Variants in PLOD2 observed in about 807,000 individuals in gnomAD.
PLOD2 encodes the protein lysine hydroxylase 2.
A neutral mutation model predicts 101.0 loss-of-function variants in PLOD2; 65 were observed. The ratio of observed to expected loss-of-function variants is 0.64; its 90% CI spans 0.53 to 0.79. The LOEUF is 0.79. Among genes scored for constraint, PLOD2 ranks in the 30% least tolerant of loss-of-function variants. The pLI is 0.00. For missense variants in PLOD2, 909 were observed against 914.6 expected (o/e 0.99, Z 0.08); for synonymous variants, 314 against 302.9 (o/e 1.04, Z -0.38).
At chr3:146,140,161 G>C (rs1375444494) in intron 1 of PLOD2, among the ~76,000 whole-genome samples, 1 of 151,772 alleles carries the variant, frequency 6.6e-6, no homozygotes, top group Non-Finnish European at 1.5e-5. Flanking sequence ...GGTTATGTCT[G>C]AAAGAGTCAA....
chr3:146,076,531 T>C, intron 15 of PLOD2: 1 of 29,336 alleles, frequency 3.4e-5, no homozygotes, highest in Non-Finnish European at 6.9e-5. Context: ...CAAACTGCTT[T>C]CCAAATTCAT....
At chr3:146,106,471 C>T (rs922221039) in intron 5 of PLOD2, 61 bp downstream of exon 5, 10 of 820,340 alleles carry the variant, frequency 1.2e-5, no homozygotes, top group Non-Finnish European at 2.2e-5. Flanking sequence ...TCCACATTAA[C>T]ACAATATAAC....
rs1936789876 is a variant in PLOD2 at position 146,086,803 on chromosome 3, C to T, written c.1111G>A (p.Ala371Thr). 1 of 1,484,570 alleles carries T rather than the reference C, an allele frequency of 6.7e-7. No individual in the cohort carries two copies. 92.0% of individuals were successfully genotyped at this position (1,484,570 alleles called of 1,614,324 possible). A position where few individuals can be genotyped will look rare whatever the true frequency, so the allele number is the denominator to read the frequency against. The change falls in exon 10 of 20, where the codon GCC becomes ACC. Residue 371 changes from alanine (A) to threonine (T), a missense_variant. Transcript: ENST00000282903. ...AAAACATACATTCCCATGTTTCTGG[C>T]TTCCGCTTGACTTAGATTTTCTTCT... is the stretch of plus-strand genomic sequence containing the variant. ...GPEENLSQAEARNMGMDFCRQ... is the reference protein window; with the variant it reads ...GPEENLSQAETRNMGMDFCRQ...
intron 7 of PLOD2, among the ~76,000 whole-genome samples, chr3:146,094,389 T>C (rs1390398880): frequency 9.0e-5 from 12 of 133,398 alleles, no homozygotes. Context: ...GCTCTTCCCC[T>C]GTTTATCTTT....
At chr3:146,157,046 C>T (rs748971460) in intron 1 of PLOD2, among the ~76,000 whole-genome samples, 2 of 152,164 alleles carry the variant, frequency 1.3e-5, no homozygotes, top group Non-Finnish European at 2.9e-5. Context: ...AGAAACAAGG[C>T]AGCAGATATT....
chr3:146,110,236 A>C (rs758217474), intron 4 of PLOD2, 49 bp downstream of exon 4: 4 of 1,525,144 alleles, frequency 2.6e-6, no homozygotes, highest in Non-Finnish European at 3.6e-6. Flanking sequence ...TGGTTGTTTC[A>C]TTAGTCTTTA....
chr3:146,124,302 T>A (rs2030407420), intron 1 of PLOD2, 73 bp from the exon 2 acceptor site: 1 of 813,408 alleles, frequency 1.2e-6, no homozygotes, highest in Non-Finnish European at 2.2e-6. Context: ...CTCACTACAG[T>A]AATTGAGACC....
intron 1 of PLOD2, among the ~76,000 whole-genome samples, chr3:146,158,236 T>G (rs1185757796): frequency 6.6e-6 from 1 of 152,136 alleles, no homozygotes; most frequent in African/African-American, 2.4e-5. Context: ...TTAAGAAGGT[T>G]CTGCCTCTGA....
At chr3:146,134,304 G>A (rs1639644108) in intron 1 of PLOD2, among the ~76,000 whole-genome samples, 1 of 152,120 alleles carries the variant, frequency 6.6e-6, no homozygotes, top group Non-Finnish European at 1.5e-5. Context: ...TTAAAACAAA[G>A]AGTATAGGAC....
intron 1 of PLOD2, among the ~76,000 whole-genome samples, chr3:146,129,562 A>G (rs1245341905): frequency 6.6e-6 from 1 of 152,122 alleles, no homozygotes; most frequent in African/African-American, 2.4e-5. Flanking sequence ...CAGTATTTCC[A>G]TGAGAGTAAA....
rs533008108 is a variant in PLOD2, at chr3:146,097,953, C to T, written c.777+4802G>A. ...CATCCTCACCAAACTAACACAGAAA[C>T]GGGAAACAAACACTGCATGTTCTCA... is the stretch of plus-strand genomic sequence containing the variant. On this transcript the variant is annotated intron_variant, in intron 7 of 19. Transcript: ENST00000282903. Among the ~76,000 whole-genome samples, 26 of 152,030 alleles carry T rather than the reference C, an allele frequency of 1.7e-4. No homozygotes were observed. The South Asian group carries it at 4.6e-3, about 27-fold the overall frequency.
chr3:146,072,888 G>A (rs1936202474), intron 16 of PLOD2, among the ~76,000 whole-genome samples: 1 of 151,442 alleles, frequency 6.6e-6, no homozygotes, highest in Non-Finnish European at 1.5e-5. Flanking sequence ...ATTAACAATA[G>A]TTTTGAACAC....
At chr3:146,098,158 T>C (rs1482335657) in intron 7 of PLOD2, among the ~76,000 whole-genome samples, 2 of 152,152 alleles carry the variant, frequency 1.3e-5, no homozygotes, top group Non-Finnish European at 2.9e-5. Context: ...CCACAGCACA[T>C]GCATACCTAT....
chr3:146,137,901 A>T (rs2031326918), intron 1 of PLOD2, among the ~76,000 whole-genome samples: 1 of 152,158 alleles, frequency 6.6e-6, no homozygotes, highest in Admixed American at 6.5e-5. Context: ...GGCAACGATA[A>T]ATCACAGGAG....
chr3:146,105,663 G>GT (rs1937524376), intron 5 of PLOD2, among the ~76,000 whole-genome samples: 1 of 152,124 alleles, frequency 6.6e-6, no homozygotes, highest in Non-Finnish European at 1.5e-5. Flanking sequence ...AACACATAAA[G>GT]TCTATGTTAT....
rs1295941820 is a variant in PLOD2 at position 146,071,327 on chromosome 3, C to T, written c.1945G>A (p.Glu649Lys). ...TTCAGTGTAACTGGTGCAATGAACT[C>T]CCGGATAAAATGAAGCCATACATTC... The part of the protein sequence containing the change: ...LENVWLHFIR[E>K]FIAPVTLKVF... Residue 649 changes from glutamate to lysine, a missense_variant, in exon 18 of 20, where the codon GAG becomes AAG. Coordinates refer to ENST00000282903, the MANE Select transcript of PLOD2 (RefSeq NM_182943.3). The T allele has an allele frequency of 6.2e-7, 1 of 1,612,124 alleles. No individual in the cohort carries two copies. The highest frequency in any genetic ancestry group is 8.5e-7 in the Non-Finnish European group (1 of 1,178,824).
At position 146,070,836 on chromosome 3, in the gene PLOD2, T is replaced by A; in HGVS notation, c.2158A>T (p.Ile720Phe). ...GCKFLRYNCS[I>F]ESPRKGWSFM... ...CTCCAGCCTTTTCGTGGTGACTCAA[T>A]AGAGCAATTGTACCTTAGAAATTTG... Residue 720 changes from isoleucine to phenylalanine, a missense_variant, in exon 20 of 20, where the codon ATT (isoleucine) becomes TTT (phenylalanine). Coordinates refer to ENST00000282903, the MANE Select transcript of PLOD2 (RefSeq NM_182943.3). 1 of 1,610,658 alleles carries A rather than the reference T, an allele frequency of 6.2e-7. No homozygotes were observed. The highest frequency in any genetic ancestry group is 1.7e-4 in the Middle Eastern group (1 of 6,048).
chr3:146,122,367 T>C (rs2030222336), intron 2 of PLOD2, among the ~76,000 whole-genome samples: 1 of 152,172 alleles, frequency 6.6e-6, no homozygotes, highest in Admixed American at 6.6e-5. Flanking sequence ...CTGGAATCCC[T>C]AATCCTAATG....
intron 9 of PLOD2, among the ~76,000 whole-genome samples, chr3:146,087,341 T>G (rs1936814266): frequency 6.6e-6 from 1 of 151,912 alleles, no homozygotes; most frequent in African/African-American, 2.4e-5. Flanking sequence ...GCCATCAATC[T>G]GAGTTATAAA....
Sources: gnomAD v4.1 joint callset for allele counts (sites outside exome capture counted in the v4.1 genomes callset) on GRCh38, gnomAD v4.1.1 for gene constraint, MANE v1.5 for transcripts, NCBI Gene and HGNC (gene_info 2026-07-23, HGNC 2026-07-21) for gene names.